Variants in SLC18A3 observed in about 807,000 individuals in gnomAD.
SLC18A3 encodes vesicular acetylcholine transporter.
SLC18A3 carries 18 observed loss-of-function variants against 24.2 expected under a neutral mutation model. That is an observed-to-expected ratio of 0.74 (90% CI 0.51 to 1.10). The LOEUF (loss-of-function observed/expected upper bound fraction) is 1.10. Ranked by LOEUF, SLC18A3 falls within the 50% of genes least tolerant of loss-of-function variation. The pLI is 0.00. For missense variants in SLC18A3, 744 were observed against 750.7 expected (o/e 0.99, Z 0.10); for synonymous variants, 415 against 355.4 (o/e 1.17, Z -1.89).
At position 49,611,013 on chromosome 10, in the gene SLC18A3, C is replaced by G. The variant is rs1309696080; in HGVS notation, c.273C>G (p.Ser91Arg). The G allele has an allele frequency of 6.2e-7, 1 of 1,613,630 alleles. No homozygotes were observed. Among genetic ancestry groups the G allele is most frequent in the Admixed American group, 1.7e-5 (1 of 59,984 alleles). ...TLPLPTPANA[S>R]AYTANTSASP... ...CGCTGCCCACTCCGGCCAATGCCAGCGCCTACACGGCCAACACCTCGGCGT... is the reference window on the plus strand; with the variant it reads ...CGCTGCCCACTCCGGCCAATGCCAGGGCCTACACGGCCAACACCTCGGCGT... Residue 91 changes from serine (S) to arginine (R), a missense_variant, in exon 1 of 1, where the codon AGC becomes AGG. Coordinates refer to ENST00000374115, the MANE Select transcript of SLC18A3 (RefSeq NM_003055.3).
In SLC18A3 at chr10:49,611,192, A is replaced by G. The variant is rs1190557346; in HGVS notation, c.452A>G (p.Tyr151Cys). Residue 151 changes from tyrosine to cysteine, a missense_variant, in exon 1 of 1, where the codon TAC becomes TGC. This residue lies in a region of SLC18A3 where 566 missense variants were observed against 566.2 expected (regional missense o/e 1.00). Coordinates refer to ENST00000374115, the MANE Select transcript of SLC18A3 (RefSeq NM_003055.3). ...LSGPFIDRMS[Y>C]DVPLLIGLGV... The stretch of plus-strand genomic sequence containing the variant: ...GGGCCCTTCATCGACCGCATGAGCT[A>G]CGACGTGCCGCTGCTGATCGGCCTG... 6.2e-6 allele frequency: 10 copies of G among 1,614,126 alleles called. No individual in the cohort carries two copies. Among genetic ancestry groups the G allele is most frequent in the African/African-American group, 1.3e-5 (1 of 75,062 alleles).
rs919585742 is a variant in SLC18A3, at chr10:49,610,978, C to T, written c.238C>T (p.Pro80Ser). The T allele has an allele frequency of 1.2e-6, 2 of 1,611,496 alleles. No individual in the cohort carries two copies. The highest frequency in any genetic ancestry group is 2.2e-5 in the East Asian group (1 of 44,786). Residue 80 changes from proline (P) to serine (S), a missense_variant, in exon 1 of 1, where the codon CCC becomes TCC. By Grantham distance (74) the Pro-to-Ser change is moderately conservative. Coordinates refer to ENST00000374115, the MANE Select transcript of SLC18A3 (RefSeq NM_003055.3). ...CACCCGGACTCCCGAGGTGTGGGAG[C>T]CCACCCTGCCGCTGCCCACTCCGGC... ...GPTRTPEVWEPTLPLPTPANA... is the reference protein window; with the variant it reads ...GPTRTPEVWESTLPLPTPANA...
chr10:49,610,688 G>T lies in SLC18A3; in HGVS notation c.-53G>T. On this transcript the variant is annotated 5_prime_UTR_variant, in exon 1 of 1. Coordinates refer to ENST00000374115, the MANE Select transcript of SLC18A3 (RefSeq NM_003055.3). ...TGCCCTCGCCTCTGCACTGCGGGAC[G>T]CCAGCGCTCGGCCCTGGCGGAGGCG... 15 of 1,444,032 alleles carry T rather than the reference G, an allele frequency of 1.0e-5. No homozygotes were observed. The highest frequency in any genetic ancestry group is 1.4e-5 in the Non-Finnish European group (15 of 1,104,086). 89.5% of individuals were successfully genotyped at this position (1,444,032 alleles called of 1,614,324 possible).
In SLC18A3 at chr10:49,611,700, G is replaced by A. The variant is rs757432289; in HGVS notation, c.960G>A (p.Met320Ile). The change falls in exon 1 of 1, where the codon ATG becomes ATA. Residue 320 changes from methionine (M) to isoleucine (I), a missense_variant. This residue lies in a region of SLC18A3 where 566 missense variants were observed against 566.2 expected (regional missense o/e 1.00). Coordinates refer to ENST00000374115, the MANE Select transcript of SLC18A3 (RefSeq NM_003055.3). Reference protein sequence around the residue: ...PTIATWMKHTMAASEWEMGMA... With the variant: ...PTIATWMKHTIAASEWEMGMA... Reference sequence around the variant, plus strand: ...TTGCCACGTGGATGAAGCATACGATGGCGGCTTCCGAGTGGGAGATGGGCA... The same window carrying A: ...TTGCCACGTGGATGAAGCATACGATAGCGGCTTCCGAGTGGGAGATGGGCA... The A allele has an allele frequency of 6.2e-6, 10 of 1,609,074 alleles. No homozygotes were observed. Among genetic ancestry groups the A allele is most frequent in the Non-Finnish European group, 1.7e-6 (2 of 1,179,966 alleles).
Position 49,611,876 on chromosome 10 carries a change from C to T in SLC18A3, c.1136C>T (p.Ser379Phe). The T allele has an allele frequency of 6.2e-7, 1 of 1,609,170 alleles. No homozygotes were observed. The highest frequency in any genetic ancestry group is 8.5e-7 in the Non-Finnish European group (1 of 1,179,920). Reference protein sequence around the residue: ...ASSCIVPACRSFAPLVVSLCG... With the variant: ...ASSCIVPACRFFAPLVVSLCG... ...TCGTGCATCGTGCCCGCCTGCCGCT[C>T]CTTCGCGCCGCTAGTGGTCTCACTA... The change falls in exon 1 of 1, where the codon TCC becomes TTC. Residue 379 changes from serine to phenylalanine, a missense_variant. Coordinates refer to ENST00000374115, the MANE Select transcript of SLC18A3 (RefSeq NM_003055.3).
At position 49,611,196 on chromosome 10, in the gene SLC18A3, C is replaced by A. The variant is rs1428425011; in HGVS notation, c.456C>A (p.Asp152Glu). Residue 152 changes from aspartate to glutamate, a missense_variant, in exon 1 of 1, where the codon GAC (aspartate) becomes GAA (glutamate). By Grantham distance (45) the Asp-to-Glu change is conservative. Coordinates refer to ENST00000374115, the MANE Select transcript of SLC18A3 (RefSeq NM_003055.3). ...CCTTCATCGACCGCATGAGCTACGA[C>A]GTGCCGCTGCTGATCGGCCTGGGCG... ...SGPFIDRMSYDVPLLIGLGVM... is the reference protein window; with the variant it reads ...SGPFIDRMSYEVPLLIGLGVM... The A allele has an allele frequency of 1.2e-5, 19 of 1,614,132 alleles. No individual in the cohort carries two copies. Among genetic ancestry groups the A allele is most frequent in the East Asian group, 2.2e-5 (1 of 44,878 alleles).
chr10:49,610,790 T>A lies in SLC18A3; in HGVS notation c.50T>A (p.Leu17Gln). 6.3e-7 allele frequency: 1 copy of A among 1,579,136 alleles called. No homozygotes were observed. The highest frequency in any genetic ancestry group is 8.6e-7 in the Non-Finnish European group (1 of 1,164,134). ...CAGGCCCGGGCGGCGGCCACCAAGC[T>A]GTCGGAGGCTGTGGGCGCGGCGCTG... Reference protein sequence around the residue: ...AGQARAAATKLSEAVGAALQE... With the variant: ...AGQARAAATKQSEAVGAALQE... Residue 17 changes from leucine (L) to glutamine (Q), a missense_variant, in exon 1 of 1, where the codon CTG (leucine) becomes CAG (glutamine). Leu to Gln is a moderately radical substitution (Grantham distance 113). Coordinates refer to ENST00000374115, the MANE Select transcript of SLC18A3 (RefSeq NM_003055.3).
chr10:49,611,543 C>A lies in SLC18A3; in HGVS notation c.803C>A (p.Ala268Glu), dbSNP rs752851633. 1.2e-5 allele frequency: 20 copies of A among 1,603,252 alleles called. No homozygotes were observed. The highest frequency in any genetic ancestry group is 1.4e-5 in the Non-Finnish European group (17 of 1,179,862). ...LLLAVAKPFS[A>E]AARARANLPV... ...CTGGCAGTGGCCAAACCCTTCTCGGCGGCTGCACGGGCTCGGGCCAACCTG... is the reference window on the plus strand; with the variant it reads ...CTGGCAGTGGCCAAACCCTTCTCGGAGGCTGCACGGGCTCGGGCCAACCTG... The change falls in exon 1 of 1, where the codon GCG (alanine) becomes GAG (glutamate). Residue 268 changes from alanine (A) to glutamate (E), a missense_variant. Physicochemically the swap from Ala to Glu is moderately radical, Grantham distance 107 (BLOSUM62 -1). This residue lies in a region of SLC18A3 where 566 missense variants were observed against 566.2 expected (regional missense o/e 1.00). Coordinates refer to ENST00000374115, the MANE Select transcript of SLC18A3 (RefSeq NM_003055.3).
In SLC18A3 at chr10:49,612,685, C is replaced by A. The variant is rs562378039; in HGVS notation, c.*346C>A. 2.8e-5 allele frequency: 8 copies of A among 290,886 alleles called. No individual in the cohort carries two copies. In the Admixed American group the frequency reaches 3.6e-4, roughly 13 times the overall value. 18.0% of individuals were successfully genotyped at this position (290,886 alleles called of 1,614,324 possible). The stretch of plus-strand genomic sequence containing the variant: ...AACTTGGGCCGCTGCACCGCGGCGC[C>A]TCCGCCCAAATCAATAAACTGTGTC... On this transcript the variant is annotated 3_prime_UTR_variant, in exon 1 of 1. Coordinates refer to ENST00000374115, the MANE Select transcript of SLC18A3 (RefSeq NM_003055.3).
Position 49,612,194 on chromosome 10 carries a change from T to C in SLC18A3, c.1454T>C (p.Leu485Pro), listed in dbSNP as rs1452497827. 1 of 1,609,364 alleles carries C rather than the reference T, an allele frequency of 6.2e-7. No homozygotes were observed. The highest frequency in any genetic ancestry group is 1.3e-5 in the African/African-American group (1 of 74,952). ...LTRSRSERDV[L>P]LDEPPQGLYD... ...CGCTCCCGTTCCGAGCGCGATGTGC[T>C]GCTTGATGAGCCACCGCAAGGTCTG... The change falls in exon 1 of 1, where the codon CTG (leucine) becomes CCG (proline). Residue 485 changes from leucine (L) to proline (P), a missense_variant. Leu to Pro is a moderately conservative substitution (Grantham distance 98). This residue lies in a region of SLC18A3 where 160 missense variants were observed against 140.9 expected (regional missense o/e 1.14). Transcript: ENST00000374115.
rs770222638 is a variant in SLC18A3, at chr10:49,611,062, G to T, written c.322G>T (p.Gly108Cys). Residue 108 changes from glycine (G) to cysteine (C), a missense_variant, in exon 1 of 1, where the codon GGC (glycine) becomes TGC (cysteine). By Grantham distance (159) the Gly-to-Cys change is radical. Transcript: ENST00000374115. Reference sequence around the variant, plus strand: ...GTCCCCGACAGCTGCGTGGCCAGCGGGCTCAGCCCTTCGGCCCCGCTACCC... The same window carrying T: ...GTCCCCGACAGCTGCGTGGCCAGCGTGCTCAGCCCTTCGGCCCCGCTACCC... ...SASPTAAWPA[G>C]SALRPRYPTE... 6.2e-7 allele frequency: 1 copy of T among 1,613,964 alleles called. No homozygotes were observed. Among genetic ancestry groups the T allele is most frequent in the Non-Finnish European group, 8.5e-7 (1 of 1,179,980 alleles).
chr10:49,611,764 G>A lies in SLC18A3; in HGVS notation c.1024G>A (p.Val342Ile). The A allele has an allele frequency of 1.2e-6, 2 of 1,603,572 alleles. No homozygotes were observed. The highest frequency in any genetic ancestry group is 1.7e-6 in the Non-Finnish European group (2 of 1,179,916). The change falls in exon 1 of 1, where the codon GTC (valine) becomes ATC (isoleucine). Residue 342 changes from valine (V) to isoleucine (I), a missense_variant. Val to Ile is a conservative substitution (Grantham distance 29, BLOSUM62 3). Around this residue, in one of 3 missense-constraint regions of SLC18A3, gnomAD observed 566 missense variants for 566.2 expected, o/e 1.00. Transcript: ENST00000374115. ...LPAFVPHVLGVYLTVRLAARY... is the reference protein window; with the variant it reads ...LPAFVPHVLGIYLTVRLAARY... The stretch of plus-strand genomic sequence containing the variant: ...GGCCTTCGTGCCTCATGTGCTGGGC[G>A]TCTACCTCACCGTGCGCCTGGCGGC...
At position 49,612,378 on chromosome 10, in the gene SLC18A3, G is replaced by A. The variant is rs2269338; in HGVS notation, c.*39G>A. 1 of 1,545,296 alleles carries A rather than the reference G, an allele frequency of 6.5e-7. No homozygotes were observed. Among genetic ancestry groups the A allele is most frequent in the South Asian group, 1.3e-5 (1 of 79,460 alleles). ...CCTCCAGCCCACCCAACCGCCTTGG[G>A]TCAAGGGGGCTGCTCTGCAAGCCCA... On this transcript the variant is annotated 3_prime_UTR_variant, in exon 1 of 1. Transcript: ENST00000374115.
At position 49,610,977 on chromosome 10, in the gene SLC18A3, G is replaced by A. The variant is rs756806169; in HGVS notation, c.237G>A (p.Glu79=). 1 of 1,611,316 alleles carries A rather than the reference G, an allele frequency of 6.2e-7. No homozygotes were observed. The highest frequency in any genetic ancestry group is 1.3e-5 in the African/African-American group (1 of 74,886). Residue 79 remains glutamate (E), a synonymous_variant, in exon 1 of 1, where the codon GAG becomes GAA. Coordinates refer to ENST00000374115, the MANE Select transcript of SLC18A3 (RefSeq NM_003055.3). The part of the protein sequence containing the change: ...EGPTRTPEVW[E]PTLPLPTPAN... ...CCACCCGGACTCCCGAGGTGTGGGAGCCCACCCTGCCGCTGCCCACTCCGG... is the reference window on the plus strand; with the variant it reads ...CCACCCGGACTCCCGAGGTGTGGGAACCCACCCTGCCGCTGCCCACTCCGG...
Position 49,610,897 on chromosome 10 carries a change from A to C in SLC18A3, c.157A>C (p.Ile53Leu). The change falls in exon 1 of 1, where the codon ATC becomes CTC. Residue 53 changes from isoleucine (I) to leucine (L), a missense_variant. Ile to Leu is a conservative substitution (Grantham distance 5). Around this residue, in one of 3 missense-constraint regions of SLC18A3, gnomAD observed 566 missense variants for 566.2 expected, o/e 1.00. Transcript: ENST00000374115. Reference protein sequence around the residue: ...LLLDNMLYMVIVPIVPDYIAH... With the variant: ...LLLDNMLYMVLVPIVPDYIAH... ...ACTGGACAACATGCTGTACATGGTC[A>C]TCGTGCCCATAGTGCCCGACTACAT... 4 of 1,612,976 alleles carry C rather than the reference A, an allele frequency of 2.5e-6. No homozygotes were observed. The highest frequency in any genetic ancestry group is 3.4e-6 in the Non-Finnish European group (4 of 1,179,394).
rs773305790 is a variant in SLC18A3 at position 49,612,046 on chromosome 10, C to G, written c.1306C>G (p.Pro436Ala). 1.2e-6 allele frequency: 2 copies of G among 1,613,750 alleles called. No homozygotes were observed. Among genetic ancestry groups the G allele is most frequent in the African/African-American group, 2.7e-5 (2 of 75,076 alleles). ...ISYSVAYALG[P>A]IVAGHIVHSL... ...CTATTCGGTGGCCTACGCGCTCGGG[C>G]CCATAGTGGCAGGCCACATTGTGCA... Residue 436 changes from proline (P) to alanine (A), a missense_variant, in exon 1 of 1, where the codon CCC becomes GCC. By Grantham distance (27) the Pro-to-Ala change is conservative. Around this residue, in one of 3 missense-constraint regions of SLC18A3, gnomAD observed 160 missense variants for 140.9 expected, o/e 1.14. Transcript: ENST00000374115.
chr10:49,610,773 G>T lies in SLC18A3; in HGVS notation c.33G>T (p.Arg11=), dbSNP rs751934933. The part of the protein sequence containing the change: MESAEPAGQA[R]AAATKLSEAV... Reference sequence around the variant, plus strand: ...CCGCGGAACCTGCGGGCCAGGCCCGGGCGGCGGCCACCAAGCTGTCGGAGG... The same window carrying T: ...CCGCGGAACCTGCGGGCCAGGCCCGTGCGGCGGCCACCAAGCTGTCGGAGG... The change falls in exon 1 of 1, where the codon CGG becomes CGT. Residue 11 remains arginine (R), a synonymous_variant. Transcript: ENST00000374115. The T allele has an allele frequency of 1.3e-6, 2 of 1,561,612 alleles. No individual in the cohort carries two copies. The highest frequency in any genetic ancestry group is 8.7e-7 in the Non-Finnish European group (1 of 1,155,522).
In SLC18A3 at chr10:49,611,472, C is replaced by G; in HGVS notation, c.732C>G (p.Pro244=). The G allele has an allele frequency of 6.3e-7, 1 of 1,599,398 alleles. No individual in the cohort carries two copies. The highest frequency in any genetic ancestry group is 8.5e-7 in the Non-Finnish European group (1 of 1,179,724). The change falls in exon 1 of 1, where the codon CCC becomes CCG. Residue 244 remains proline, a synonymous_variant. Coordinates refer to ENST00000374115, the MANE Select transcript of SLC18A3 (RefSeq NM_003055.3). ...ATGAGTTCGCCGGCAAGCGCGTGCC[C>G]TTCTTGGTGCTAGCTGCCGTGTCGC... ...ILYEFAGKRV[P]FLVLAAVSLF...
In SLC18A3 at chr10:49,612,275, G is replaced by A. The variant is rs1590546360; in HGVS notation, c.1535G>A (p.Arg512His). The change falls in exon 1 of 1, where the codon CGC becomes CAC. Residue 512 changes from arginine (R) to histidine (H), a missense_variant. Arg to His is a conservative substitution (Grantham distance 29). This residue lies in a region of SLC18A3 where 160 missense variants were observed against 140.9 expected (regional missense o/e 1.14). Transcript: ENST00000374115. ...RPVSGQDGEP[R>H]SPPGPFDACE... is the part of the protein sequence containing the mutation. ...GTGTCTGGCCAGGACGGCGAGCCTC[G>A]CAGCCCGCCTGGCCCTTTTGATGCG... 1.2e-6 allele frequency: 2 copies of A among 1,611,288 alleles called. No homozygotes were observed. The highest frequency in any genetic ancestry group is 1.1e-5 in the South Asian group (1 of 91,022).
Sources: allele counts gnomAD v4.1 joint callset, GRCh38; gene constraint gnomAD v4.1.1; regional missense constraint gnomAD v4.1.1; transcripts MANE v1.5; gene names NCBI Gene and HGNC (gene_info 2026-07-23, HGNC 2026-07-21).